TSC22D1: variants seen among roughly 807,000 people sequenced by gnomAD.
TSC22D1 encodes the protein TSC22 domain family protein 1.
TSC22D1 carries 9 observed loss-of-function variants against 74.2 expected under a neutral mutation model. That is an observed-to-expected ratio of 0.12 (90% confidence interval 0.07 to 0.21). TSC22D1 has a LOEUF of 0.21. TSC22D1 is among the 10% of genes least tolerant of loss of function. The probability of loss-of-function intolerance (pLI) is 1.00; values close to 1 mark genes in which losing one functional copy is unlikely to be tolerated. For missense variants in TSC22D1, 1,427 were observed against 1,304.7 expected (o/e 1.09, Z -1.44); for synonymous variants, 586 against 492.5 (o/e 1.19, Z -2.51).
chr13:44,575,445 CACA>C lies in TSC22D1; in HGVS notation c.627_629del (p.Val210del), dbSNP rs1566189074. ...GGTGTGGATGAGCATTCCCATTGAT[CACA>C]ACATTCTGTTGTGGAAGGTGAGGCA... is the stretch of plus-strand genomic sequence containing the variant. On this transcript the variant is annotated inframe_deletion, in exon 1 of 3. Coordinates refer to ENST00000458659, the MANE Select transcript of TSC22D1 (RefSeq NM_183422.4). 6.2e-7 allele frequency: 1 copy of C among 1,614,014 alleles called. No homozygotes were observed. The highest frequency in any genetic ancestry group is 8.5e-7 in the Non-Finnish European group (1 of 1,179,986).
chr13:44,545,266 T>C (rs1049930079), intron 1 of TSC22D1, among the ~76,000 whole-genome samples: 26 of 148,780 alleles, frequency 1.7e-4, no homozygotes, highest in Admixed American at 1.1e-3. Flanking sequence ...ACCCGGGAGG[T>C]GGAGGTTGCA....
chr13:44,481,686 G>A (rs1018093413), intron 1 of TSC22D1, among the ~76,000 whole-genome samples: 1 of 152,154 alleles, frequency 6.6e-6, no homozygotes, highest in Non-Finnish European at 1.5e-5. Flanking sequence ...ATCTACAGTC[G>A]TGGTCCATGA....
rs776597041 is a variant in TSC22D1, at chr13:44,573,593, T to C, written c.2482A>G (p.Ser828Gly). Residue 828 changes from serine (S) to glycine (G), a missense_variant, in exon 1 of 3, where the codon AGT (serine) becomes GGT (glycine). Around this residue, in one of 3 missense-constraint regions of TSC22D1, gnomAD observed 1,343 missense variants for 1,191.5 expected, o/e 1.13. Coordinates refer to ENST00000458659, the MANE Select transcript of TSC22D1 (RefSeq NM_183422.4). ...LPAVSSLPSA[S>G]SISVTSQVSS... is the part of the protein sequence containing the mutation. ...ACCTGACTTGTAACAGAAATACTAC[T>C]AGCAGAGGGCAAAGAACTAACTGCA... 2.5e-6 allele frequency: 4 copies of C among 1,614,258 alleles called. No homozygotes were observed. In the South Asian group the frequency reaches 3.3e-5, roughly 13 times the overall value.
rs1248809384 is a variant in TSC22D1, at chr13:44,574,240, G to A, written c.1835C>T (p.Pro612Leu). The change falls in exon 1 of 3, where the codon CCT (proline) becomes CTT (leucine). Residue 612 changes from proline (P) to leucine (L), a missense_variant. Coordinates refer to ENST00000458659, the MANE Select transcript of TSC22D1 (RefSeq NM_183422.4). ...CCCTGGAAGGGGAGTTTGCACTGGAGGAGCCGCCTGAGAATATGGTAGCTG... is the reference window on the plus strand; with the variant it reads ...CCCTGGAAGGGGAGTTTGCACTGGAAGAGCCGCCTGAGAATATGGTAGCTG... ...QPQLPYSQAA[P>L]PVQTPLPGAP... 4 of 1,614,244 alleles carry A rather than the reference G, an allele frequency of 2.5e-6. No individual in the cohort carries two copies. Among genetic ancestry groups the A allele is most frequent in the Non-Finnish European group, 3.4e-6 (4 of 1,180,048 alleles).
chr13:44,522,042 C>T (rs1880341803), intron 1 of TSC22D1, among the ~76,000 whole-genome samples: 1 of 151,956 alleles, frequency 6.6e-6, no homozygotes, highest in Non-Finnish European at 1.5e-5. Flanking sequence ...TTAAATTGGG[C>T]AAAATAGTAG....
At chr13:44,477,391 T>C (rs1877968596) in intron 1 of TSC22D1, among the ~76,000 whole-genome samples, 1 of 152,210 alleles carries the variant, frequency 6.6e-6, no homozygotes, top group African/African-American at 2.4e-5. Context: ...TAAAATACAA[T>C]CACTGCAAAA....
chr13:44,546,700 A>G (rs149242208), intron 1 of TSC22D1, among the ~76,000 whole-genome samples: 13 of 152,152 alleles, frequency 8.5e-5, no homozygotes, highest in Non-Finnish European at 1.8e-4. Flanking sequence ...CATGATACAA[A>G]CATTAAGGAA....
intron 1 of TSC22D1, among the ~76,000 whole-genome samples, chr13:44,507,707 AAGT>A (rs1423861233): frequency 3.9e-5 from 6 of 152,240 alleles, no homozygotes; most frequent in East Asian, 3.8e-4. Context: ...TTAAGAAATG[AAGT>A]AGAAGATTCC....
At chr13:44,458,856 G>A (rs932024982) in intron 1 of TSC22D1, among the ~76,000 whole-genome samples, 6 of 152,222 alleles carry the variant, frequency 3.9e-5, no homozygotes, top group African/African-American at 4.8e-5. Flanking sequence ...ACCGACAAGT[G>A]CAGGAAGAAG....
At chr13:44,482,969 A>T (rs1310782668) in intron 1 of TSC22D1, among the ~76,000 whole-genome samples, 1 of 152,244 alleles carries the variant, frequency 6.6e-6, no homozygotes, top group African/African-American at 2.4e-5. Flanking sequence ...TAAAGCCGGT[A>T]TTTAAACTCA....
At chr13:44,509,950 C>CAAAAAAAAAAAAAAAAAAAAACAA in intron 1 of TSC22D1, among the ~76,000 whole-genome samples, 2 of 51,426 alleles carry the variant, frequency 3.9e-5, no homozygotes, top group Non-Finnish European at 7.1e-5. Context: ...AGAAAATAAG[C>CAAAAAAAAAAAAAAAAAAAAACAA]AAAAAAAAAA....
At chr13:44,447,658 C>T (rs1875791699) in intron 1 of TSC22D1, among the ~76,000 whole-genome samples, 2 of 150,932 alleles carry the variant, frequency 1.3e-5, no homozygotes, top group South Asian at 4.2e-4. Context: ...ATGTATTTAC[C>T]CTCTGTAAAT....
Position 44,559,696 on chromosome 13 carries a change from T to TC in TSC22D1, c.2912+13466_2912+13467insG, listed in dbSNP as rs1466503830. 6.0e-5 allele frequency among the ~76,000 whole-genome samples: 9 copies of TC among 150,040 alleles called. No individual in the cohort carries two copies. In the East Asian group the frequency reaches 1.8e-3, roughly 29 times the overall value. ...ACTGTGCCCAGCCCAAAAATTTCTT[T>TC]TTTTTTTTTTTTGAGACACAGTCTT... On this transcript the variant is annotated intron_variant, in intron 1 of 2. Transcript: ENST00000458659.
In TSC22D1 at chr13:44,555,236, C is replaced by T. The variant is rs1015055419; in HGVS notation, c.2912+17927G>A. Among the ~76,000 whole-genome samples, 8 of 151,508 alleles carry T rather than the reference C, an allele frequency of 5.3e-5. 1 individual carries two copies. The highest frequency in any genetic ancestry group is 1.9e-4 in the African/African-American group (8 of 41,260). ...TAATCACAAGTGTCTTGCAAAAATG[C>T]CAGAATGTTATTCTTAGGCCCTTGT... On this transcript the variant is annotated intron_variant, in intron 1 of 2. Transcript: ENST00000458659.
intron 1 of TSC22D1, chr13:44,516,381 A>T: frequency 2.3e-6 from 1 of 435,474 alleles, no homozygotes; most frequent in Non-Finnish European, 4.4e-6. Flanking sequence ...TAGTCTTTTT[A>T]AAATCTCTTA....
chr13:44,514,002 A>G (rs567677896), intron 1 of TSC22D1, among the ~76,000 whole-genome samples: 2 of 152,332 alleles, frequency 1.3e-5, no homozygotes, highest in South Asian at 4.1e-4. Context: ...AAGTTTTGGC[A>G]ACTCAACTAA....
intron 1 of TSC22D1, among the ~76,000 whole-genome samples, chr13:44,493,620 T>C (rs1878823010): frequency 6.6e-6 from 1 of 152,168 alleles, no homozygotes; most frequent in Non-Finnish European, 1.5e-5. Context: ...CGTGGTAGGA[T>C]GCATATTCAG....
At chr13:44,540,076 A>C in intron 1 of TSC22D1, 2 of 443,480 alleles carry the variant, frequency 4.5e-6, no homozygotes, top group South Asian at 4.0e-5. Flanking sequence ...TTTGAATTTT[A>C]GAAGTCTGTC....
rs1304971949 is a variant in TSC22D1, at chr13:44,575,256, T to C, written c.819A>G (p.Pro273=). ...ATGATACAGCAGAAGTTGGTGCAAC[T>C]GGTGTGATACTGTCAGAGCTTCCAG... ...STTGSSDSIT[P]VAPTSAVSSS... The change falls in exon 1 of 3, where the codon CCA becomes CCG. Residue 273 remains proline, a synonymous_variant. Transcript: ENST00000458659. The C allele has an allele frequency of 2.5e-6, 4 of 1,613,978 alleles. No homozygotes were observed. The highest frequency in any genetic ancestry group is 1.6e-4 in the Middle Eastern group (1 of 6,084).
Sources: gnomAD v4.1 joint callset for allele counts (sites outside exome capture counted in the v4.1 genomes callset) on GRCh38, gnomAD v4.1.1 for gene constraint, gnomAD v4.1.1 regional missense constraint, MANE v1.5 for transcripts, NCBI Gene and HGNC (gene_info 2026-07-23, HGNC 2026-07-21) for gene names.